Variants in SH3BP4 observed in about 807,000 individuals in gnomAD.
SH3BP4 encodes SH3 domain binding protein 4, also known as SH3 domain-binding protein 4.
SH3BP4 carries 33 observed loss-of-function variants against 65.5 expected under a neutral mutation model. The observed-to-expected ratio is 0.50, with a 90% CI of 0.38 to 0.67. SH3BP4 has a LOEUF of 0.67. Ranked by LOEUF, SH3BP4 falls within the 30% of genes least tolerant of loss-of-function variation. The pLI is 0.00. For synonymous variants in SH3BP4, 552 were observed against 545.5 expected (o/e 1.01, Z -0.17); for missense variants, 1,134 against 1,261.4 (o/e 0.90, Z 1.53).
In SH3BP4 at chr2:235,005,391, C is replaced by T. The variant is rs189259273; in HGVS notation, c.-133+10015C>T. ...ACTCCGGCTCCCCTGACTGGGGGTC[C>T]CTGTCTCCCCCAGGTTCCAGTGGAG... On this transcript the variant is annotated intron_variant, in intron 2 of 5. Transcript: ENST00000392011. Among the ~76,000 whole-genome samples the T allele has an allele frequency of 8.0e-4, 121 of 152,188 alleles. 1 individual carries two copies. Among genetic ancestry groups the T allele is most frequent in the Admixed American group, 3.6e-3 (55 of 15,296 alleles).
rs1019500986 is a variant in SH3BP4, at chr2:235,026,718, G to A, written c.-132-8153G>A. 3.3e-5 allele frequency among the ~76,000 whole-genome samples: 5 copies of A among 152,094 alleles called. No individual in the cohort carries two copies. The highest frequency in any genetic ancestry group is 2.1e-4 in the South Asian group (1 of 4,822). On this transcript the variant is annotated intron_variant, in intron 2 of 5. Transcript: ENST00000392011. This position sits in a 1 kb window ranked among gnomAD's most constrained non-coding sequence, Gnocchi z 4.6. ...GACTGGAACGTGTGGTCCTGCCCTCGTTCCTCATTTTTTCACCCTGTGGCG... is the reference window on the plus strand; with the variant it reads ...GACTGGAACGTGTGGTCCTGCCCTCATTCCTCATTTTTTCACCCTGTGGCG...
intron 1 of SH3BP4, among the ~76,000 whole-genome samples, chr2:234,960,118 A>G (rs745633165): frequency 1.3e-4 from 20 of 152,252 alleles, no homozygotes; most frequent in Non-Finnish European, 2.8e-4. Context: ...AGGGTACGGT[A>G]TTCAGATCTA....
At chr2:234,996,923 C>T (rs550740215) in intron 2 of SH3BP4, among the ~76,000 whole-genome samples, 9 of 151,736 alleles carry the variant, frequency 5.9e-5, no homozygotes, top group Admixed American at 3.9e-4. Flanking sequence ...TTGGGCGGCA[C>T]GCATGTGGTT....
In SH3BP4 at chr2:234,952,881, G is replaced by A. The variant is rs1315371953; in HGVS notation, c.-207+711G>A. 6.6e-6 allele frequency: 1 copy of A among 152,150 alleles called. No homozygotes were observed. Among genetic ancestry groups the A allele is most frequent in the Non-Finnish European group, 1.5e-5 (1 of 68,030 alleles). 9.4% of individuals were successfully genotyped at this position (152,150 alleles called of 1,614,324 possible). A position where few individuals can be genotyped will look rare whatever the true frequency, so the allele number is the denominator to read the frequency against. ...TACCGAGAAGCCCGCTCCGCGGCAC[G>A]GGCGGGTGTCAGTTGGGACCCCAAC... On this transcript the variant is annotated intron_variant, in intron 1 of 5. Transcript: ENST00000392011. The surrounding 1 kb of genome is among the most constrained non-coding windows in gnomAD (Gnocchi z 6.5).
At chr2:234,953,223 C>T (rs1203485770) in intron 1 of SH3BP4, 3 of 152,242 alleles carry the variant, frequency 2.0e-5, no homozygotes, top group Non-Finnish European at 4.4e-5. Context: ...ATGCTCAGGA[C>T]AGAAAGCTAG....
intron 1 of SH3BP4, among the ~76,000 whole-genome samples, chr2:234,960,343 T>C (rs1559223341): frequency 1.3e-5 from 2 of 152,226 alleles, no homozygotes; most frequent in South Asian, 2.1e-4. Flanking sequence ...GGAATCGATA[T>C]TTCAAATGTT....
intron 1 of SH3BP4, chr2:234,981,844 G>T (rs758651359): frequency 6.6e-6 from 1 of 152,182 alleles, no homozygotes; most frequent in African/African-American, 2.4e-5. Context: ...TTGATAGTTA[G>T]CAAGAAGATT....
intron 2 of SH3BP4, among the ~76,000 whole-genome samples, chr2:235,024,011 C>T (rs906571456): frequency 6.6e-6 from 1 of 152,150 alleles, no homozygotes; most frequent in African/African-American, 2.4e-5. Context: ...TGTCCCCTCT[C>T]ATTTTCTTAA....
At chr2:235,011,164 A>C (rs1694489392) in intron 2 of SH3BP4, among the ~76,000 whole-genome samples, 1 of 147,294 alleles carries the variant, frequency 6.8e-6, no homozygotes. Context: ...TCCTAGGAGA[A>C]CCCTTCCTCC....
chr2:235,012,723 C>T (rs1015652977), intron 2 of SH3BP4, among the ~76,000 whole-genome samples: 5 of 152,210 alleles, frequency 3.3e-5, no homozygotes, highest in African/African-American at 4.8e-5. Context: ...CCCTAAAATG[C>T]GTTTCCATCT....
chr2:235,049,808 T>G (rs1328731481), intron 4 of SH3BP4, among the ~76,000 whole-genome samples: 1 of 152,142 alleles, frequency 6.6e-6, no homozygotes, highest in Non-Finnish European at 1.5e-5. Flanking sequence ...GCTGGCCGAG[T>G]GCTGAGAAGT....
intron 1 of SH3BP4, chr2:234,979,627 T>G (rs1349091781): frequency 6.6e-6 from 1 of 152,276 alleles, no homozygotes; most frequent in East Asian, 1.9e-4. Context: ...CGTGATTACA[T>G]TATGTGGGCT....
rs202001669 is a variant in SH3BP4 at position 235,043,104 on chromosome 2, G to A, written c.2335G>A (p.Val779Met). 2.2e-5 allele frequency: 35 copies of A among 1,613,684 alleles called. No homozygotes were observed. Among genetic ancestry groups the A allele is most frequent in the Non-Finnish European group, 2.1e-5 (25 of 1,179,986 alleles). Residue 779 changes from valine (V) to methionine (M), a missense_variant, in exon 4 of 6, where the codon GTG becomes ATG. Physicochemically the swap from Val to Met is conservative, Grantham distance 21. Coordinates refer to ENST00000392011, the MANE Select transcript of SH3BP4 (RefSeq NM_014521.3). ...CTCCTTCGCTGACGCCCTGGGCTAC[G>A]TGAACCTGCCGCTCACCTTTTTCTG... Reference protein sequence around the residue: ...WRSFADALGYVNLPLTFFCRA... With the variant: ...WRSFADALGYMNLPLTFFCRA...
rs146049108 is a variant in SH3BP4, at chr2:235,036,740, A to AAAAAAAAAAAATAATAATAAT, written c.118+1622_118+1623insAAAAAAAAATAATAATAATAA. Among the ~76,000 whole-genome samples the AAAAAAAAAAAATAATAATAAT allele has an allele frequency of 8.3e-4, 118 of 141,752 alleles. 1 individual carries two copies. Among genetic ancestry groups the AAAAAAAAAAAATAATAATAAT allele is most frequent in the South Asian group, 3.4e-3 (15 of 4,354 alleles). 93.0% of individuals were successfully genotyped at this position (141,752 alleles called of 152,430 possible). ...ACTGCACTCTGAGACTCTATATAAAAAATAATAATAATAATAATGACAGTG... is the reference window on the plus strand; with the variant it reads ...ACTGCACTCTGAGACTCTATATAAAAAAAAAAAAAAATAATAATAATAATAATAATAATAATAATGACAGTG... On this transcript the variant is annotated intron_variant, in intron 3 of 5. Transcript: ENST00000392011.
At chr2:234,955,058 G>C (rs1299419400) in intron 1 of SH3BP4, among the ~76,000 whole-genome samples, 1 of 152,194 alleles carries the variant, frequency 6.6e-6, no homozygotes, top group Non-Finnish European at 1.5e-5. Flanking sequence ...AAATTGGGCT[G>C]TGTTGTGATT....
Position 235,030,650 on chromosome 2 carries a change from G to A in SH3BP4, c.-132-4221G>A, listed in dbSNP as rs78876077. On this transcript the variant is annotated intron_variant, in intron 2 of 5. Coordinates refer to ENST00000392011, the MANE Select transcript of SH3BP4 (RefSeq NM_014521.3). The surrounding 1 kb of genome is among the most constrained non-coding windows in gnomAD (Gnocchi z 4.1). The stretch of plus-strand genomic sequence containing the variant: ...GGCTGAGCTGGGAGGAGGAGGAGGG[G>A]TGGGAGGGGAGAGGATTCTGCTGTA... 7.4e-4 allele frequency among the ~76,000 whole-genome samples: 113 copies of A among 152,198 alleles called. 1 individual carries two copies. The East Asian group carries it at 0.02, about 27-fold the overall frequency.
chr2:234,990,954 T>A (rs1192237702), intron 1 of SH3BP4, among the ~76,000 whole-genome samples: 1 of 152,146 alleles, frequency 6.6e-6, no homozygotes, highest in African/African-American at 2.4e-5. Flanking sequence ...CCTCTCTGTG[T>A]GCATGTCTGT....
intron 1 of SH3BP4, among the ~76,000 whole-genome samples, chr2:234,968,891 A>G (rs1181570046): frequency 1.3e-5 from 2 of 152,070 alleles, no homozygotes; most frequent in Non-Finnish European, 2.9e-5. Context: ...GTTTTATTTT[A>G]TGCAAACAGT....
In SH3BP4 at chr2:235,005,915, C is replaced by T. The variant is rs140393747; in HGVS notation, c.-133+10539C>T. The stretch of plus-strand genomic sequence containing the variant: ...TCTACACACAGCCAAGCACTCTTAG[C>T]TCCTGCAATTGGAATCCCGCTCTTG... On this transcript the variant is annotated intron_variant, in intron 2 of 5. Coordinates refer to ENST00000392011, the MANE Select transcript of SH3BP4 (RefSeq NM_014521.3). Among the ~76,000 whole-genome samples, 675 of 151,914 alleles carry T rather than the reference C, an allele frequency of 4.4e-3. 4 individuals are homozygous for T. The highest frequency in any genetic ancestry group is 0.016 in the African/African-American group (642 of 41,414).
Sources: allele counts gnomAD v4.1 joint callset (sites outside exome capture counted in the v4.1 genomes callset), GRCh38; gene constraint gnomAD v4.1.1; non-coding constraint Gnocchi (gnomAD v3.1); transcripts MANE v1.5; gene names NCBI Gene and HGNC (gene_info 2026-07-23, HGNC 2026-07-21).